NALCN: variants seen among roughly 807,000 people sequenced by gnomAD.
NALCN encodes the protein sodium leak channel, non-selective.
A neutral mutation model predicts 225.3 loss-of-function variants in NALCN; 111 were observed. The ratio of observed to expected loss-of-function variants is 0.49; its 90% CI spans 0.42 to 0.58. The LOEUF (loss-of-function observed/expected upper bound fraction) is 0.58. NALCN is among the 20% of genes least tolerant of loss of function. NALCN has a pLI of 0.00. For missense variants in NALCN, 1,378 were observed against 2,202.4 expected, an observed-to-expected ratio of 0.63 and a Z score of 7.49; for synonymous variants, 764 against 769.0, an observed-to-expected ratio of 0.99 and a Z score of 0.11.
intron 10 of NALCN, among the ~76,000 whole-genome samples, chr13:101,280,296 A>G (rs917978665): frequency 2.0e-4 from 31 of 152,180 alleles, no homozygotes; most frequent in South Asian, 4.1e-4. Flanking sequence ...TTCTAAGCAT[A>G]TGAGTCACAT....
At chr13:101,303,868 G>A (rs1420652342) in intron 7 of NALCN, among the ~76,000 whole-genome samples, 2 of 152,214 alleles carry the variant, frequency 1.3e-5, no homozygotes, top group Non-Finnish European at 2.9e-5. Context: ...GGCTGATGGA[G>A]TAATACTGAC....
chr13:101,317,095 C>T (rs1321179247), intron 7 of NALCN, among the ~76,000 whole-genome samples: 3 of 151,884 alleles, frequency 2.0e-5, no homozygotes, highest in East Asian at 1.9e-4. Flanking sequence ...AAAAATTAAC[C>T]AAAGCCAAAT....
At chr13:101,103,789 C>A (rs767292) in intron 25 of NALCN, among the ~76,000 whole-genome samples, 1 of 152,172 alleles carries the variant, frequency 6.6e-6, no homozygotes, top group Non-Finnish European at 1.5e-5. Flanking sequence ...AAAAAATTCT[C>A]TGAGCCCATT....
intron 6 of NALCN, among the ~76,000 whole-genome samples, chr13:101,346,056 T>TC (rs1237983127): frequency 1.2e-5 from 1 of 82,582 alleles, no homozygotes; most frequent in Non-Finnish European, 2.3e-5. Flanking sequence ...CTTGAGAGAC[T>TC]TTCTCTCTCT....
intron 34 of NALCN, among the ~76,000 whole-genome samples, chr13:101,076,719 C>CA (rs1325687423): frequency 6.6e-6 from 1 of 152,160 alleles, no homozygotes; most frequent in Admixed American, 6.5e-5. Flanking sequence ...TAGTCCACTG[C>CA]AAAATACGGT....
At chr13:101,085,558 C>T (rs973313623) in intron 30 of NALCN, among the ~76,000 whole-genome samples, 2 of 151,978 alleles carry the variant, frequency 1.3e-5, no homozygotes, top group Non-Finnish European at 2.9e-5. Context: ...TATGAATGTT[C>T]CCAACACAAA....
intron 17 of NALCN, among the ~76,000 whole-genome samples, chr13:101,135,068 G>A (rs182392975): frequency 0.011 from 1,614 of 152,148 alleles, 20 homozygotes; most frequent in South Asian, 0.05. Context: ...GGTTGCGGGC[G>A]CCTGTAGTCC....
chr13:101,165,668 G>A (rs2038403414), intron 15 of NALCN, among the ~76,000 whole-genome samples: 1 of 152,194 alleles, frequency 6.6e-6, no homozygotes, highest in Admixed American at 6.5e-5. Flanking sequence ...TAGAGACAGG[G>A]TGTTGCCACG....
intron 15 of NALCN, among the ~76,000 whole-genome samples, chr13:101,162,661 C>T (rs1427989087): frequency 3.9e-5 from 6 of 152,202 alleles, no homozygotes; most frequent in African/African-American, 1.4e-4. Flanking sequence ...ATCTAGTTTC[C>T]CACTGCCTGT....
chr13:101,131,013 C>A (rs971666298), intron 17 of NALCN, among the ~76,000 whole-genome samples: 4 of 152,008 alleles, frequency 2.6e-5, no homozygotes, highest in African/African-American at 9.7e-5. Context: ...TCATTTTCAT[C>A]TCTTTCTTCA....
At chr13:101,370,762 T>C (rs1042642476) in intron 6 of NALCN, among the ~76,000 whole-genome samples, 1 of 152,204 alleles carries the variant, frequency 6.6e-6, no homozygotes, top group Non-Finnish European at 1.5e-5. Flanking sequence ...GCAGTTTCAG[T>C]GGGTGTAACT....
At chr13:101,379,737 A>T (rs986173224) in intron 3 of NALCN, among the ~76,000 whole-genome samples, 17 of 152,260 alleles carry the variant, frequency 1.1e-4, no homozygotes, top group Non-Finnish European at 2.2e-4. Context: ...TAGGAGAGGG[A>T]TAGCATTAGG....
rs2032762482 is a variant in NALCN, at chr13:101,070,169, C to T, written c.4198-1342G>A. On this transcript the variant is annotated intron_variant, in intron 37 of 43. Coordinates refer to ENST00000251127, the MANE Select transcript of NALCN (RefSeq NM_052867.4). ...GCAAGCTCCGCCTCCTGGGCTTACG[C>T]CATTCTCCTGCCTCAGCCTCCCGAG... Among the ~76,000 whole-genome samples the T allele has an allele frequency of 1.3e-5, 2 of 148,868 alleles. 1 individual carries two copies. Among genetic ancestry groups the T allele is most frequent in the South Asian group, 4.3e-4 (2 of 4,688 alleles).
chr13:101,398,983 C>T, intron 2 of NALCN, 36 bp downstream of exon 2: 1 of 1,280,094 alleles, frequency 7.8e-7, no homozygotes, highest in Non-Finnish European at 1.1e-6. Flanking sequence ...ATCTCACATC[C>T]ACATATGCTT....
intron 11 of NALCN, among the ~76,000 whole-genome samples, chr13:101,240,484 T>TAAAA (rs2041719656): frequency 1.3e-5 from 2 of 152,142 alleles, no homozygotes; most frequent in Admixed American, 1.3e-4. Flanking sequence ...AATTCTAATA[T>TAAAA]TTTTCATAAA....
At chr13:101,313,559 A>G (rs1469162646) in intron 7 of NALCN, among the ~76,000 whole-genome samples, 4 of 152,102 alleles carry the variant, frequency 2.6e-5, no homozygotes, top group East Asian at 3.9e-4. Flanking sequence ...GCAGCCAAAA[A>G]ACACATGAAA....
chr13:101,080,677 AATAT>A (rs1359769171), intron 34 of NALCN, among the ~76,000 whole-genome samples: 3 of 146,858 alleles, frequency 2.0e-5, no homozygotes, highest in Non-Finnish European at 4.5e-5. Flanking sequence ...AAATAATAAA[AATAT>A]ATACATACAC....
chr13:101,245,532 A>T (rs1333758), intron 11 of NALCN, among the ~76,000 whole-genome samples: 126,253 of 152,052 alleles, frequency 0.83, 56,628 homozygotes, highest in East Asian at 0.99. Context: ...TTGGTCTACA[A>T]GGCAATCTGC....
At chr13:101,085,362 A>G (rs1208783570) in intron 30 of NALCN, among the ~76,000 whole-genome samples, 1 of 152,112 alleles carries the variant, frequency 6.6e-6, no homozygotes, top group African/African-American at 2.4e-5. Context: ...TAACTACTCC[A>G]GGGCAAAAAA....
Sources: gnomAD v4.1 joint callset for allele counts (sites outside exome capture counted in the v4.1 genomes callset) on GRCh38, gnomAD v4.1.1 for gene constraint, MANE v1.5 for transcripts, NCBI Gene and HGNC (gene_info 2026-07-23, HGNC 2026-07-21) for gene names.